KMT2E: variants seen among roughly 807,000 people sequenced by gnomAD.
The protein encoded by KMT2E is lysine methyltransferase 2E (inactive).
In KMT2E, 30 loss-of-function variants were observed where a neutral mutation model predicts 184.6. The ratio of observed to expected loss-of-function variants is 0.16; its 90% CI spans 0.12 to 0.22. The LOEUF is 0.22. Among genes scored for constraint, KMT2E ranks in the 10% least tolerant of loss-of-function variants. KMT2E has a pLI of 1.00. For missense variants in KMT2E, 2,023 were observed against 2,237.4 expected (o/e 0.90, Z 1.93); for synonymous variants, 815 against 776.5 (o/e 1.05, Z -0.82).
chr7:105,068,160 G>A (rs956232431), intron 6 of KMT2E, among the ~76,000 whole-genome samples: 3 of 152,156 alleles, frequency 2.0e-5, no homozygotes, highest in African/African-American at 7.2e-5. Context: ...GTCCTGATGA[G>A]TTTTGCCAGT....
At chr7:105,055,940 G>T (rs1796558147) in intron 3 of KMT2E, among the ~76,000 whole-genome samples, 2 of 151,026 alleles carry the variant, frequency 1.3e-5, no homozygotes, top group Non-Finnish European at 1.5e-5. Flanking sequence ...TCCAGCATTT[G>T]GTACAGTATC....
At chr7:105,098,500 G>T (rs1429422963) in intron 15 of KMT2E, among the ~76,000 whole-genome samples, 1 of 152,044 alleles carries the variant, frequency 6.6e-6, no homozygotes, top group Non-Finnish European at 1.5e-5. Flanking sequence ...CCACCTCCCT[G>T]GTTTAAGTGA....
At chr7:105,107,294 T>C in intron 21 of KMT2E, 68 bp from the exon 22 acceptor site, 1 of 1,515,728 alleles carries the variant, frequency 6.6e-7, no homozygotes, top group Non-Finnish European at 8.9e-7. Flanking sequence ...AAATTACTGG[T>C]AAATTTTGAA....
intron 3 of KMT2E, among the ~76,000 whole-genome samples, chr7:105,054,881 A>G (rs992582569): frequency 6.6e-6 from 1 of 152,200 alleles, no homozygotes; most frequent in African/African-American, 2.4e-5. Context: ...TCTGGATGCC[A>G]TGCAGTCATG....
chr7:105,111,347 T>C (rs1019328765), intron 26 of KMT2E, among the ~76,000 whole-genome samples: 1 of 151,852 alleles, frequency 6.6e-6, no homozygotes, highest in Non-Finnish European at 1.5e-5. Flanking sequence ...AACAGTCTTA[T>C]ACTTGGTTTA....
intron 15 of KMT2E, among the ~76,000 whole-genome samples, chr7:105,095,056 CA>C (rs535757752): frequency 6.6e-6 from 1 of 152,150 alleles, no homozygotes; most frequent in East Asian, 1.9e-4. Flanking sequence ...GCTGAATTTC[CA>C]AAAAGTGCAC....
chr7:105,025,351 A>G (rs573597110), intron 1 of KMT2E, among the ~76,000 whole-genome samples: 15 of 152,270 alleles, frequency 9.9e-5, no homozygotes, highest in South Asian at 2.1e-4. Flanking sequence ...AATTTGGGTA[A>G]AATTCTTAGA....
At position 105,106,610 on chromosome 7, in the gene KMT2E, T is replaced by C; in HGVS notation, c.2685T>C (p.Tyr895=). The change falls in exon 20 of 27, where the codon TAT becomes TAC. Residue 895 remains tyrosine, a synonymous_variant. Coordinates refer to ENST00000311117, the MANE Select transcript of KMT2E (RefSeq NM_182931.3). ...CCTCCACACCTACTCCTTCCCCGTA[T>C]GCTACACCAACTCACACCGATATTA... ...SETSTPTPSP[Y]ATPTHTDITP... The C allele has an allele frequency of 1.2e-6, 2 of 1,614,106 alleles. No individual in the cohort carries two copies. The highest frequency in any genetic ancestry group is 1.7e-6 in the Non-Finnish European group (2 of 1,179,928).
Position 105,063,345 on chromosome 7 carries a change from A to T in KMT2E, c.187-6A>T, listed in dbSNP as rs775927664. On this transcript the variant is annotated splice_polypyrimidine_tract_variant and splice_region_variant and intron_variant, in intron 4 of 26. Transcript: ENST00000311117. ...TATTGTGCTATATTTGTGTTTAATT[A>T]TTCAGGACCATAATTATGGTGCTCG... The T allele has an allele frequency of 6.3e-7, 1 of 1,583,340 alleles. No homozygotes were observed. Among genetic ancestry groups the T allele is most frequent in the Non-Finnish European group, 8.6e-7 (1 of 1,160,128 alleles).
intron 1 of KMT2E, among the ~76,000 whole-genome samples, chr7:105,027,125 A>G (rs991185668): frequency 1.6e-5 from 2 of 127,608 alleles, no homozygotes; most frequent in African/African-American, 6.0e-5. Context: ...TCTGTCACCC[A>G]GACTGGAGGG....
In KMT2E at chr7:105,113,292, C is replaced by T; in HGVS notation, c.5536C>T (p.Pro1846Ser). The part of the protein sequence containing the change: ...QIPIHRAQVP[P>S]TFQNNYHGSG... ...TCCAATTCACAGAGCACAGGTGCCA[C>T]CAACATTTCAAAACAATTACCATGG... Residue 1846 changes from proline (P) to serine (S), a missense_variant, in exon 27 of 27, where the codon CCA becomes TCA. This residue lies in a region of KMT2E where 1,108 missense variants were observed against 1,050.9 expected (regional missense o/e 1.05). Coordinates refer to ENST00000311117, the MANE Select transcript of KMT2E (RefSeq NM_182931.3). The T allele has an allele frequency of 1.2e-6, 2 of 1,613,496 alleles. No individual in the cohort carries two copies. Among genetic ancestry groups the T allele is most frequent in the East Asian group, 2.2e-5 (1 of 44,832 alleles).
chr7:105,032,501 T>A (rs898679524), intron 1 of KMT2E, among the ~76,000 whole-genome samples: 1 of 152,240 alleles, frequency 6.6e-6, no homozygotes, highest in East Asian at 1.9e-4. Flanking sequence ...ATTTTTGTTT[T>A]ACTTATTTAT....
intron 15 of KMT2E, among the ~76,000 whole-genome samples, chr7:105,097,607 G>T (rs1798467214): frequency 6.6e-6 from 1 of 152,070 alleles, no homozygotes; most frequent in Admixed American, 6.6e-5. Context: ...GGCTGGTCTT[G>T]AACTCCTGAC....
intron 22 of KMT2E, 28 bp from the exon 23 acceptor site, chr7:105,108,914 T>C (rs781278253): frequency 6.4e-7 from 1 of 1,555,690 alleles, no homozygotes; most frequent in South Asian, 1.2e-5. Flanking sequence ...AATAAAAGAT[T>C]TGCTTTTTCT....
intron 13 of KMT2E, among the ~76,000 whole-genome samples, chr7:105,087,428 T>A (rs1040339023): frequency 6.6e-6 from 1 of 150,548 alleles, no homozygotes; most frequent in African/African-American, 2.4e-5. Flanking sequence ...TTTCTTTTTT[T>A]TTGTTTTTTT....
intron 3 of KMT2E, among the ~76,000 whole-genome samples, chr7:105,049,165 C>T (rs752726718): frequency 4.6e-5 from 7 of 152,238 alleles, no homozygotes; most frequent in South Asian, 2.1e-4. Context: ...TAAGTGCTGG[C>T]CAGGCGTGGT....
At chr7:105,041,290 A>T (rs1269393096) in intron 3 of KMT2E, among the ~76,000 whole-genome samples, 1 of 152,144 alleles carries the variant, frequency 6.6e-6, no homozygotes. Flanking sequence ...CAAATTTCTG[A>T]GAAGCGATAC....
At chr7:105,030,663 A>C (rs1192209929) in intron 1 of KMT2E, among the ~76,000 whole-genome samples, 2 of 152,200 alleles carry the variant, frequency 1.3e-5, no homozygotes, top group Non-Finnish European at 2.9e-5. Flanking sequence ...GTTTTTTGAT[A>C]AGGCATTCAG....
chr7:105,016,312 T>G (rs1250413772), intron 1 of KMT2E, among the ~76,000 whole-genome samples: 1 of 152,244 alleles, frequency 6.6e-6, no homozygotes, highest in Non-Finnish European at 1.5e-5. Flanking sequence ...GTTTATTGTG[T>G]ATTTGGTAAA....
Sources: allele counts gnomAD v4.1 joint callset (sites outside exome capture counted in the v4.1 genomes callset), GRCh38; gene constraint gnomAD v4.1.1; regional missense constraint gnomAD v4.1.1; transcripts MANE v1.5; gene names NCBI Gene and HGNC (gene_info 2026-07-23, HGNC 2026-07-21).